The following AGMO variants were observed in gnomAD, a reference collection of about 807,000 sequenced individuals.
AGMO encodes the protein alkylglycerol monooxygenase.
Under a neutral mutation model 60.2 loss-of-function variants are expected in AGMO, and 75 were observed. The ratio of observed to expected loss-of-function variants is 1.25; its 90% CI spans 1.03 to 1.51. The LOEUF is 1.51. Ranked by LOEUF, AGMO falls within the 40% of genes most tolerant of loss-of-function variation. AGMO has a pLI of 0.00. For synonymous variants in AGMO, 261 were observed against 177.1 expected (o/e 1.47, Z -3.76); for missense variants, 763 against 525.5 (o/e 1.45, Z -4.42).
chr7:15,294,605 TG>T (rs1350760017), intron 12 of AGMO, among the ~76,000 whole-genome samples: 1 of 151,962 alleles, frequency 6.6e-6, no homozygotes, highest in Non-Finnish European at 1.5e-5. Context: ...CCTAAAAATG[TG>T]AATAATTTAA....
chr7:15,455,235 TATG>T (rs1181509404), intron 3 of AGMO, among the ~76,000 whole-genome samples: 1 of 152,168 alleles, frequency 6.6e-6, no homozygotes, highest in East Asian at 1.9e-4. Flanking sequence ...TGCAGCACGT[TATG>T]ATGTTTTCTT....
chr7:15,269,052 AT>A (rs1476227982), intron 12 of AGMO, among the ~76,000 whole-genome samples: 1 of 152,204 alleles, frequency 6.6e-6, no homozygotes, highest in South Asian at 2.1e-4. Context: ...ATAATAAAGA[AT>A]TTTTGGCATT....
At chr7:15,546,653 C>T (rs1457393120) in intron 2 of AGMO, among the ~76,000 whole-genome samples, 2 of 152,198 alleles carry the variant, frequency 1.3e-5, no homozygotes, top group Admixed American at 6.5e-5. Flanking sequence ...GAGGTCCCTC[C>T]TGGGGCAGGA....
At chr7:15,379,300 A>C (rs1562471891) in intron 10 of AGMO, among the ~76,000 whole-genome samples, 3 of 152,080 alleles carry the variant, frequency 2.0e-5, no homozygotes, top group Non-Finnish European at 4.4e-5. Context: ...GACATGAAAA[A>C]CCATTGGAAA....
intron 3 of AGMO, among the ~76,000 whole-genome samples, chr7:15,500,264 T>A (rs563448368): frequency 6.6e-6 from 1 of 151,878 alleles, no homozygotes; most frequent in Admixed American, 6.6e-5. Flanking sequence ...TGAGTGTCTG[T>A]CCCAGTCAGG....
At chr7:15,334,121 A>G (rs1781578598) in intron 12 of AGMO, among the ~76,000 whole-genome samples, 1 of 152,108 alleles carries the variant, frequency 6.6e-6, no homozygotes, top group Non-Finnish European at 1.5e-5. Flanking sequence ...TTTGATATGT[A>G]AAAAACTCAT....
intron 3 of AGMO, among the ~76,000 whole-genome samples, chr7:15,448,487 G>C (rs73682008): frequency 6.6e-6 from 1 of 152,262 alleles, no homozygotes; most frequent in African/African-American, 2.4e-5. Flanking sequence ...TTGGTTTATG[G>C]AATTTTGTTA....
intron 10 of AGMO, among the ~76,000 whole-genome samples, chr7:15,370,656 T>G (rs1381970910): frequency 1.3e-5 from 2 of 152,210 alleles, no homozygotes; most frequent in Non-Finnish European, 2.9e-5. Flanking sequence ...GTTGATAATT[T>G]TTTCATGTTT....
chr7:15,248,222 A>ATATCTATATATATATATC, intron 12 of AGMO, among the ~76,000 whole-genome samples: 1 of 104,198 alleles, frequency 9.6e-6, no homozygotes, highest in African/African-American at 3.6e-5. Context: ...ATATATATAT[A>ATATCTATATATATATATC]TATCTTCATC....
chr7:15,186,078 G>T, the AGMO span, among the ~76,000 whole-genome samples: 1 of 152,108 alleles, frequency 6.6e-6, no homozygotes, highest in Non-Finnish European at 1.5e-5. Context: ...AAATATTCTT[G>T]TCACTCTCAA....
chr7:15,162,183 G>C, the AGMO span, among the ~76,000 whole-genome samples: 1 of 152,070 alleles, frequency 6.6e-6, no homozygotes, highest in African/African-American at 2.4e-5. Flanking sequence ...ATGATTCTAA[G>C]TTTCCTGATG....
Position 15,361,051 on chromosome 7 carries a change from G to A in AGMO, c.1263+4463C>T, listed in dbSNP as rs75399475. Reference sequence around the variant, plus strand: ...GCATTTTTAAAGAATCCTGGTTTCTGGAAATCATTTGTTACTAAGTGATGC... The same window carrying A: ...GCATTTTTAAAGAATCCTGGTTTCTAGAAATCATTTGTTACTAAGTGATGC... On this transcript the variant is annotated intron_variant, in intron 12 of 12. Transcript: ENST00000342526. Among the ~76,000 whole-genome samples the A allele has an allele frequency of 3.2e-3, 486 of 152,270 alleles. 1 individual carries two copies. The highest frequency in any genetic ancestry group is 0.011 in the African/African-American group (454 of 41,548).
intron 12 of AGMO, among the ~76,000 whole-genome samples, chr7:15,365,227 C>G (rs572615884): frequency 1.3e-5 from 2 of 151,708 alleles, no homozygotes; most frequent in Admixed American, 6.6e-5. Flanking sequence ...TGAGAACCTA[C>G]TACATGGTCT....
At chr7:15,541,455 C>T (rs1784629592) in intron 3 of AGMO, among the ~76,000 whole-genome samples, 1 of 152,134 alleles carries the variant, frequency 6.6e-6, no homozygotes, top group Non-Finnish European at 1.5e-5. Context: ...AAAGAGTGCA[C>T]AAAGCTACTT....
intron 2 of AGMO, among the ~76,000 whole-genome samples, chr7:15,557,826 C>G (rs1484056853): frequency 1.3e-5 from 2 of 151,976 alleles, no homozygotes; most frequent in South Asian, 2.1e-4. Context: ...ATTTAAAATA[C>G]TTTAGAAAAA....
chr7:15,287,334 A>G (rs1784126788), intron 12 of AGMO, among the ~76,000 whole-genome samples: 1 of 152,174 alleles, frequency 6.6e-6, no homozygotes, highest in African/African-American at 2.4e-5. Flanking sequence ...TGTAACTAGA[A>G]ATGTCTCATA....
In AGMO at chr7:15,365,587, C is replaced by T. The variant is rs578001198; in HGVS notation, c.1190G>A (p.Cys397Tyr). 1.9e-6 allele frequency: 3 copies of T among 1,612,694 alleles called. No individual in the cohort carries two copies. The Admixed American group carries it at 5.0e-5, about 27-fold the overall frequency. ...TCGGTACAGCATTAAGAACATCAAG[C>T]AACGGAGAGTTTCCATAATAGCTGC... ...PKAAIMETLR[C>Y]LMFLMLYRFG... is the part of the protein sequence containing the mutation. Residue 397 changes from cysteine to tyrosine, a missense_variant, in exon 12 of 13, where the codon TGC becomes TAC. Coordinates refer to ENST00000342526, the MANE Select transcript of AGMO (RefSeq NM_001004320.2).
At chr7:15,252,279 G>A (rs368472501) in intron 12 of AGMO, among the ~76,000 whole-genome samples, 1 of 152,222 alleles carries the variant, frequency 6.6e-6, no homozygotes, top group South Asian at 2.1e-4. Flanking sequence ...GGGTGGTCAA[G>A]TGTGATGGGA....
At chr7:15,420,119 G>T (rs974435285) in intron 4 of AGMO, among the ~76,000 whole-genome samples, 2 of 152,100 alleles carry the variant, frequency 1.3e-5, no homozygotes, top group African/African-American at 4.8e-5. Context: ...CATAGCAGAT[G>T]AATATTTATA....
Sources: allele counts gnomAD v4.1 joint callset (sites outside exome capture counted in the v4.1 genomes callset), GRCh38; gene constraint gnomAD v4.1.1; transcripts MANE v1.5; gene names NCBI Gene and HGNC (gene_info 2026-07-23, HGNC 2026-07-21).